The following CLASRP variants were observed in gnomAD, a reference collection of about 807,000 sequenced individuals.
CLASRP encodes the protein CLK4 associating serine/arginine rich protein.
Under a neutral mutation model 99.9 loss-of-function variants are expected in CLASRP, and 52 were observed. The observed-to-expected ratio is 0.52, with a 90% CI of 0.42 to 0.66. The LOEUF is 0.66. CLASRP is among the 30% of genes least tolerant of loss of function. CLASRP has a pLI of 0.00. For missense variants in CLASRP, 848 were observed against 999.2 expected (o/e 0.85, Z 2.04); for synonymous variants, 379 against 373.0 (o/e 1.02, Z -0.18).
intron 2 of CLASRP, among the ~76,000 whole-genome samples, chr19:45,051,012 CCCGA>C (rs1972013180): frequency 6.6e-6 from 1 of 152,196 alleles, no homozygotes; most frequent in African/African-American, 2.4e-5. Context: ...AGCCACTATG[CCCGA>C]CCCACTGCTT....
chr19:45,058,534 C>T (rs1000616153), intron 7 of CLASRP, among the ~76,000 whole-genome samples: 5 of 152,122 alleles, frequency 3.3e-5, no homozygotes, highest in African/African-American at 1.2e-4. Context: ...TAAAGGCACA[C>T]GCCACCACGC....
At position 45,052,483 on chromosome 19, in the gene CLASRP, CT is replaced by C. The variant is rs373944387; in HGVS notation, c.198-307del. Reference sequence around the variant, plus strand: ...GGCTCAGGGTGCCTGGGGCCCGCCCCTCAAATACCCTCTAGGACCTGGTTCA... The same window carrying C: ...GGCTCAGGGTGCCTGGGGCCCGCCCCCAAATACCCTCTAGGACCTGGTTCA... On this transcript the variant is annotated intron_variant, in intron 3 of 20. Coordinates refer to ENST00000221455, the MANE Select transcript of CLASRP (RefSeq NM_007056.3). 3.5e-3 allele frequency among the ~76,000 whole-genome samples: 539 copies of C among 152,270 alleles called. 2 individuals are homozygous for C. The highest frequency in any genetic ancestry group is 0.012 in the African/African-American group (512 of 41,530).
intron 5 of CLASRP, among the ~76,000 whole-genome samples, chr19:45,055,704 C>A (rs1263317017): frequency 1.3e-5 from 2 of 152,148 alleles, no homozygotes; most frequent in Non-Finnish European, 2.9e-5. Flanking sequence ...ACGGTGGCGC[C>A]TGCCTGTAAT....
At chr19:45,055,470 C>T (rs1377089454) in intron 5 of CLASRP, among the ~76,000 whole-genome samples, 2 of 152,186 alleles carry the variant, frequency 1.3e-5, no homozygotes, top group Non-Finnish European at 2.9e-5. Flanking sequence ...GGGGTATCTG[C>T]TAGAACAAGG....
chr19:45,044,152 G>T (rs1355236149), intron 2 of CLASRP, among the ~76,000 whole-genome samples: 1 of 152,244 alleles, frequency 6.6e-6, no homozygotes, highest in East Asian at 1.9e-4. Flanking sequence ...AAAGCGCTGG[G>T]ATTATAGGCG....
intron 11 of CLASRP, among the ~76,000 whole-genome samples, chr19:45,063,190 T>C (rs1303077976): frequency 6.6e-6 from 1 of 151,854 alleles, no homozygotes; most frequent in Admixed American, 6.6e-5. Context: ...CTTTAAAATA[T>C]TGAGATGGGG....
intron 11 of CLASRP, among the ~76,000 whole-genome samples, chr19:45,062,456 C>T (rs190794435): frequency 1.3e-5 from 2 of 152,352 alleles, no homozygotes; most frequent in Admixed American, 6.5e-5. Flanking sequence ...TGGCTCACTA[C>T]AAGCTCCGCC....
At chr19:45,069,154 C>T (rs201692937) in intron 17 of CLASRP, 30 bp downstream of exon 17, 24 of 1,613,788 alleles carry the variant, frequency 1.5e-5, no homozygotes, top group African/African-American at 8.0e-5. Flanking sequence ...GCTGGGGTGA[C>T]GGGTGGGTGC....
chr19:45,059,671 C>T (rs370512107), intron 8 of CLASRP, among the ~76,000 whole-genome samples: 74 of 152,324 alleles, frequency 4.9e-4, no homozygotes, highest in Non-Finnish European at 8.8e-4. Flanking sequence ...AGGCTTCATT[C>T]CCTGGTTATT....
rs1048562917 is a variant in CLASRP, at chr19:45,070,248, A to G, written c.1957+144A>G. The stretch of plus-strand genomic sequence containing the variant: ...TTGGGAGGCTGAGGTGGGTGGATCA[A>G]TCACCTGAGGTCAGGAGTTCGAGAC... On this transcript the variant is annotated intron_variant, in intron 19 of 20. Coordinates refer to ENST00000221455, the MANE Select transcript of CLASRP (RefSeq NM_007056.3). 6 of 680,708 alleles carry G rather than the reference A, an allele frequency of 8.8e-6. No individual in the cohort carries two copies. The African/African-American group carries it at 8.9e-5, about 10-fold the overall frequency. 42.2% of individuals were successfully genotyped at this position (680,708 alleles called of 1,614,324 possible).
chr19:45,068,576 T>G, intron 16 of CLASRP, 96 bp downstream of exon 16: 4 of 946,008 alleles, frequency 4.2e-6, no homozygotes, highest in East Asian at 2.4e-5. Context: ...GGCCTGGCCC[T>G]TCCCTAGAGA....
intron 2 of CLASRP, among the ~76,000 whole-genome samples, chr19:45,050,838 T>A (rs1972009704): frequency 6.6e-6 from 1 of 151,946 alleles, no homozygotes; most frequent in Admixed American, 6.6e-5. Context: ...TGCCTCAGCC[T>A]CCCAAATAGC....
intron 13 of CLASRP, 28 bp downstream of exon 13, chr19:45,064,658 A>G (rs747171108): frequency 3.3e-5 from 45 of 1,347,172 alleles, no homozygotes; most frequent in Non-Finnish European, 4.4e-5. Flanking sequence ...TGGAGGTGGG[A>G]GGGGCTGGGG....
intron 2 of CLASRP, among the ~76,000 whole-genome samples, chr19:45,044,078 C>T (rs1172118952): frequency 6.6e-6 from 1 of 152,160 alleles, no homozygotes. Flanking sequence ...GACAGGGTTT[C>T]ACCATATTGG....
intron 7 of CLASRP, 146 bp downstream of exon 7, chr19:45,058,044 C>T (rs1211175361): frequency 4.2e-6 from 4 of 948,748 alleles, no homozygotes; most frequent in East Asian, 2.6e-5. Context: ...TCCTGCTGCC[C>T]CTGTCTCACT....
intron 2 of CLASRP, among the ~76,000 whole-genome samples, chr19:45,041,278 T>C (rs1381381873): frequency 1.3e-5 from 2 of 150,898 alleles, no homozygotes; most frequent in East Asian, 3.9e-4. Context: ...GAATATTAAG[T>C]GAAACCTGAC....
chr19:45,069,697 C>A, intron 18 of CLASRP: 1 of 442,634 alleles, frequency 2.3e-6, no homozygotes, highest in Non-Finnish European at 4.1e-6. Flanking sequence ...GTAGACGTAG[C>A]CATTGGGTTG....
In CLASRP at chr19:45,067,592, A is replaced by G; in HGVS notation, c.1665A>G (p.Lys555=). ...CCCCTGCTGTGGGCGAGAAGCTGAA[A>G]AAGTGAGCGGGGCGGGTCTGGAGGA... ...AASPAVGEKL[K]KTEPAAGKET... Residue 555 remains lysine, a splice_region_variant and synonymous_variant, in exon 14 of 21, where the codon AAA becomes AAG. Coordinates refer to ENST00000221455, the MANE Select transcript of CLASRP (RefSeq NM_007056.3). This position sits in a 1 kb window ranked among gnomAD's most constrained non-coding sequence, Gnocchi z 4.9. 1.3e-6 allele frequency: 2 copies of G among 1,596,084 alleles called. No individual in the cohort carries two copies. The highest frequency in any genetic ancestry group is 8.5e-7 in the Non-Finnish European group (1 of 1,172,468).
rs1358679217 is a variant in CLASRP at position 45,060,466 on chromosome 19, C to A, written c.788C>A (p.Ser263Ter). The change falls in exon 9 of 21, where the codon TCG becomes TAG. Residue 263 changes from serine (S) to a stop codon, truncating the protein, a stop_gained and splice_region_variant. Coordinates refer to ENST00000221455, the MANE Select transcript of CLASRP (RefSeq NM_007056.3). LOFTEE classifies it high-confidence loss of function. The surrounding 1 kb of genome is among the most constrained non-coding windows in gnomAD (Gnocchi z 4.6). ...KALEEEKAMY[S>*]GRRSRRQRRE... ...CTTGAGGAGGAGAAGGCCATGTACT[C>A]GGTGAGGTCTGGGCTGGAGTGGAAG... 1 of 1,614,140 alleles carries A rather than the reference C, an allele frequency of 6.2e-7. No homozygotes were observed. Among genetic ancestry groups the A allele is most frequent in the East Asian group, 2.2e-5 (1 of 44,870 alleles).
Sources: gnomAD v4.1 joint callset for allele counts (sites outside exome capture counted in the v4.1 genomes callset) on GRCh38, gnomAD v4.1.1 for gene constraint, Gnocchi (gnomAD v3.1) non-coding constraint, MANE v1.5 for transcripts, NCBI Gene and HGNC (gene_info 2026-07-23, HGNC 2026-07-21) for gene names.